The following ATG7 variants were observed in gnomAD, a reference collection of about 807,000 sequenced individuals.
ATG7 encodes ubiquitin-like modifier-activating enzyme ATG7.
In ATG7, 70 loss-of-function variants were observed where a neutral mutation model predicts 82.4. The ratio of observed to expected loss-of-function variants is 0.85; its 90% CI spans 0.70 to 1.04. The LOEUF (loss-of-function observed/expected upper bound fraction) is 1.04, where lower values mean the gene tolerates loss of function less well. ATG7 is among the 50% of genes least tolerant of loss of function. The probability of loss-of-function intolerance (pLI) is 0.00; values close to 1 mark genes in which losing one functional copy is unlikely to be tolerated. For missense variants in ATG7, 792 were observed against 864.3 expected (o/e 0.92, Z 1.05); for synonymous variants, 287 against 313.0 (o/e 0.92, Z 0.88).
chr3:11,501,344 G>T (rs535900348), intron 20 of ATG7, among the ~76,000 whole-genome samples: 1 of 152,222 alleles, frequency 6.6e-6, no homozygotes, highest in Admixed American at 6.5e-5. Flanking sequence ...GAAAACCTGA[G>T]AAAAGTGCCT....
intron 20 of ATG7, among the ~76,000 whole-genome samples, chr3:11,518,029 A>C (rs2092332478): frequency 6.6e-6 from 1 of 152,190 alleles, no homozygotes; most frequent in Non-Finnish European, 1.5e-5. Flanking sequence ...TCGATGTTGA[A>C]AATATAGAAT....
At chr3:11,290,557 T>C in intron 3 of ATG7, 1 of 366,484 alleles carries the variant, frequency 2.7e-6, no homozygotes, top group Non-Finnish European at 5.5e-6. Flanking sequence ...TAGCTGTCAC[T>C]GCCTGGTACT....
At chr3:11,498,406 A>G (rs2091028343) in intron 20 of ATG7, among the ~76,000 whole-genome samples, 1 of 152,210 alleles carries the variant, frequency 6.6e-6, no homozygotes, top group Non-Finnish European at 1.5e-5. Flanking sequence ...GTATTGTCAT[A>G]GGCTTTTGCT....
intron 20 of ATG7, among the ~76,000 whole-genome samples, chr3:11,542,673 A>AC (rs1247026025): frequency 6.6e-6 from 1 of 151,082 alleles, no homozygotes; most frequent in Non-Finnish European, 1.5e-5. Context: ...GCTCTCAACC[A>AC]CCCTCTGCTT....
chr3:11,367,434 G>A (rs2076701144), intron 18 of ATG7, among the ~76,000 whole-genome samples: 6 of 152,182 alleles, frequency 3.9e-5, no homozygotes, highest in Admixed American at 3.9e-4. Flanking sequence ...TGGAAGAGAT[G>A]TAGTAGAAAA....
At chr3:11,570,477 C>G in the ATG7 span, among the ~76,000 whole-genome samples, 10 of 152,230 alleles carry the variant, frequency 6.6e-5, no homozygotes, top group Admixed American at 5.2e-4. Flanking sequence ...GGACCGTGCA[C>G]TCCCGGGAAG....
At chr3:11,371,380 G>A (rs975104202) in intron 18 of ATG7, among the ~76,000 whole-genome samples, 11 of 151,086 alleles carry the variant, frequency 7.3e-5, no homozygotes, top group African/African-American at 1.2e-4. Context: ...CAGCGGAGAA[G>A]GCAGGAATGC....
chr3:11,276,595 G>A (rs1045430125), intron 1 of ATG7, among the ~76,000 whole-genome samples: 2 of 152,148 alleles, frequency 1.3e-5, no homozygotes, highest in Non-Finnish European at 2.9e-5. Flanking sequence ...AAAGTCATCA[G>A]ACCTCGACAT....
chr3:11,390,646 CT>C (rs1273543962), intron 19 of ATG7, among the ~76,000 whole-genome samples: 1 of 144,386 alleles, frequency 6.9e-6, no homozygotes, highest in Non-Finnish European at 1.5e-5. Flanking sequence ...GCAGTGGTAA[CT>C]TTTTGACCTT....
chr3:11,485,992 C>T (rs1057483808), intron 20 of ATG7, among the ~76,000 whole-genome samples: 56 of 152,232 alleles, frequency 3.7e-4, no homozygotes, highest in Admixed American at 7.9e-4. Context: ...TCCAGCTTTG[C>T]TCTTTTGGCT....
intron 13 of ATG7, among the ~76,000 whole-genome samples, chr3:11,343,086 A>G (rs1953926533): frequency 6.6e-6 from 1 of 151,732 alleles, no homozygotes; most frequent in African/African-American, 2.4e-5. Context: ...GCACCATTAC[A>G]CTTGGCTAAT....
chr3:11,291,433 C>A (rs1208164768), intron 3 of ATG7, among the ~76,000 whole-genome samples: 1 of 152,178 alleles, frequency 6.6e-6, no homozygotes, highest in East Asian at 1.9e-4. Context: ...GTGACGAGAA[C>A]AGGGGCTTTG....
downstream of ATG7, among the ~76,000 whole-genome samples, chr3:11,560,445 G>A (rs1298037428): frequency 2.6e-5 from 4 of 152,208 alleles, no homozygotes; most frequent in Non-Finnish European, 5.9e-5. Flanking sequence ...AATGGTGACA[G>A]CAGTGTCAGC....
At chr3:11,561,133 C>A (rs986915321), downstream of ATG7, among the ~76,000 whole-genome samples, 3 of 147,034 alleles carry the variant, frequency 2.0e-5, no homozygotes, top group African/African-American at 7.6e-5. Context: ...AGACCCCCCC[C>A]CAGGGTCCTC....
rs1190022613 is a variant in ATG7, at chr3:11,315,436, G to A, written c.621G>A (p.Met207Ile). ...PYFLIKYDEN[M>I]VLVSLLKHYS... Reference sequence around the variant, plus strand: ...TCTTAATCAAGTATGATGAGAACATGGTGCTGGTTTCCTTGCTTAAACACT... The same window carrying A: ...TCTTAATCAAGTATGATGAGAACATAGTGCTGGTTTCCTTGCTTAAACACT... The change falls in exon 9 of 21, where the codon ATG becomes ATA. Residue 207 changes from methionine (M) to isoleucine (I), a missense_variant. By Grantham distance (10) the Met-to-Ile change is conservative (BLOSUM62 1). Coordinates refer to ENST00000693202, the MANE Select transcript of ATG7 (RefSeq NM_001349232.2). 1 of 1,612,366 alleles carries A rather than the reference G, an allele frequency of 6.2e-7. No homozygotes were observed. Among genetic ancestry groups the A allele is most frequent in the African/African-American group, 1.3e-5 (1 of 74,884 alleles).
At chr3:11,348,331 A>C (rs1458495405) in intron 14 of ATG7, 1 of 305,178 alleles carries the variant, frequency 3.3e-6, no homozygotes, top group Non-Finnish European at 6.1e-6. Context: ...TGAGTGTTAC[A>C]GCTCTTAAAG....
chr3:11,358,300 A>G (rs1401288557), intron 14 of ATG7, 118 bp from the exon 15 acceptor site: 2 of 985,474 alleles, frequency 2.0e-6, no homozygotes, highest in Non-Finnish European at 3.1e-6. Flanking sequence ...ATAATAGTGC[A>G]CAGGGAGCTC....
intron 20 of ATG7, among the ~76,000 whole-genome samples, chr3:11,448,794 G>T (rs2084826017): frequency 6.6e-6 from 1 of 152,144 alleles, no homozygotes; most frequent in Non-Finnish European, 1.5e-5. Flanking sequence ...GGGTAAGGGG[G>T]TCGCTGTTCC....
chr3:11,439,196 G>A (rs939115527), intron 20 of ATG7, among the ~76,000 whole-genome samples: 3 of 151,192 alleles, frequency 2.0e-5, no homozygotes, highest in African/African-American at 7.3e-5. Flanking sequence ...AGCCTCCCGA[G>A]TAGCAGGGAC....
Sources: allele counts gnomAD v4.1 joint callset (sites outside exome capture counted in the v4.1 genomes callset), GRCh38; gene constraint gnomAD v4.1.1; transcripts MANE v1.5; gene names NCBI Gene and HGNC (gene_info 2026-07-23, HGNC 2026-07-21).